COP1: variants seen among roughly 807,000 people sequenced by gnomAD.
The protein encoded by COP1 is E3 ubiquitin-protein ligase COP1.
Under a neutral mutation model 101.3 loss-of-function variants are expected in COP1, and 24 were observed. That is an observed-to-expected ratio of 0.24 (90% confidence interval 0.17 to 0.33). The LOEUF (loss-of-function observed/expected upper bound fraction) is 0.33. COP1 is among the 10% of genes least tolerant of loss of function. The pLI is 1.00. For missense variants in COP1, 663 were observed against 906.2 expected (o/e 0.73, Z 3.45); for synonymous variants, 347 against 341.9 (o/e 1.01, Z -0.17).
chr1:176,136,431 G>A, intron 7 of COP1, 57 bp downstream of exon 7: 2 of 1,185,704 alleles, frequency 1.7e-6, no homozygotes, highest in Non-Finnish European at 2.5e-6. Context: ...ATGGAAAGGT[G>A]ACAATTTCAT....
chr1:176,118,796 G>A (rs1454333883), intron 8 of COP1, among the ~76,000 whole-genome samples: 1 of 151,988 alleles, frequency 6.6e-6, no homozygotes, highest in Non-Finnish European at 1.5e-5. Context: ...AAACAAAATA[G>A]CCAGAAGAAA....
chr1:176,205,849 A>G (rs1386744896), intron 1 of COP1, among the ~76,000 whole-genome samples: 1 of 152,230 alleles, frequency 6.6e-6, no homozygotes. Context: ...TATCCAGTAT[A>G]GTACAGTTAC....
At chr1:176,024,817 A>G (rs537110167) in intron 15 of COP1, among the ~76,000 whole-genome samples, 3 of 152,324 alleles carry the variant, frequency 2.0e-5, no homozygotes, top group Admixed American at 6.5e-5. Context: ...ATAAAATTTA[A>G]AAGCAATTCC....
intron 11 of COP1, among the ~76,000 whole-genome samples, chr1:176,071,631 G>A (rs1175843948): frequency 6.6e-6 from 1 of 152,164 alleles, no homozygotes; most frequent in East Asian, 1.9e-4. Context: ...CTAGAATTTG[G>A]TTTTAAAAAG....
chr1:176,044,131 C>G (rs1161412493), intron 12 of COP1, among the ~76,000 whole-genome samples: 3 of 152,198 alleles, frequency 2.0e-5, no homozygotes, highest in African/African-American at 7.2e-5. Context: ...GAAGGTGATA[C>G]TATCCAGAGG....
At chr1:176,195,784 A>C (rs145766286) in intron 1 of COP1, among the ~76,000 whole-genome samples, 1 of 152,332 alleles carries the variant, frequency 6.6e-6, no homozygotes, top group East Asian at 1.9e-4. Flanking sequence ...TAACACAAAA[A>C]CAGAAAACCA....
At chr1:176,083,719 A>T (rs1355357354) in intron 10 of COP1, among the ~76,000 whole-genome samples, 1 of 152,206 alleles carries the variant, frequency 6.6e-6, no homozygotes, top group East Asian at 1.9e-4. Context: ...ATACAGATGG[A>T]TTTACAGATT....
Position 176,162,881 on chromosome 1 carries a change from TTTC to T in COP1, c.747_749del (p.Lys250del). Reference sequence around the variant, plus strand: ...AGCTACCACTTACTGCTTCCAGTTGTTTCTTCTTCTGCACTAGTAACTCCAACA... The same window carrying T: ...AGCTACCACTTACTGCTTCCAGTTGTTTCTTCTGCACTAGTAACTCCAACA... On this transcript the variant is annotated inframe_deletion, in exon 5 of 20. Transcript: ENST00000367669. 6.3e-7 allele frequency: 1 copy of T among 1,598,792 alleles called. No homozygotes were observed. Among genetic ancestry groups the T allele is most frequent in the Non-Finnish European group, 8.5e-7 (1 of 1,173,444 alleles).
At chr1:176,139,538 TCACAG>T (rs2149763235) in intron 6 of COP1, among the ~76,000 whole-genome samples, 1 of 152,252 alleles carries the variant, frequency 6.6e-6, no homozygotes, top group African/African-American at 2.4e-5. Context: ...GCTCTATTCA[TCACAG>T]CAAAGATTCA....
At chr1:176,048,201 T>TA (rs1671851368) in intron 11 of COP1, among the ~76,000 whole-genome samples, 1 of 147,396 alleles carries the variant, frequency 6.8e-6, no homozygotes, top group Non-Finnish European at 1.5e-5. Context: ...AATTCTTTTT[T>TA]TTTTTTTTTT....
intron 18 of COP1, among the ~76,000 whole-genome samples, chr1:175,956,195 T>C (rs1387432486): frequency 1.3e-5 from 2 of 151,662 alleles, no homozygotes; most frequent in African/African-American, 2.4e-5. Flanking sequence ...AACAGATCCA[T>C]CCATAATCAA....
rs1039961736 is a variant in COP1 at position 176,089,247 on chromosome 1, C to T, written c.1027-3357G>A. On this transcript the variant is annotated intron_variant, in intron 9 of 19. Coordinates refer to ENST00000367669, the MANE Select transcript of COP1 (RefSeq NM_022457.7). ...TGCAGGGGCTGCACTGAGCCAAGAT[C>T]GAGCCAGTGCACCCCAGCCTGGGTG... Among the ~76,000 whole-genome samples, 3 of 151,994 alleles carry T rather than the reference C, an allele frequency of 2.0e-5. No homozygotes were observed. The South Asian group carries it at 6.2e-4, about 32-fold the overall frequency.
At chr1:176,133,196 ATG>A (rs1689208137) in intron 8 of COP1, among the ~76,000 whole-genome samples, 1 of 130,512 alleles carries the variant, frequency 7.7e-6, no homozygotes. Context: ...ACGTACGTAT[ATG>A]TACGTATGTA....
chr1:176,062,782 T>C, intron 11 of COP1, among the ~76,000 whole-genome samples: 1 of 111,116 alleles, frequency 9.0e-6, no homozygotes, highest in East Asian at 2.8e-4. Context: ...ATGAATAAAC[T>C]GTAGAATATT....
rs1685896087 is a variant in COP1 at position 176,114,745 on chromosome 1, AC to A, written c.1026+1878del. On this transcript the variant is annotated intron_variant, in intron 9 of 19. Transcript: ENST00000367669. ...TGAAACCACAAGCACATGCCACCAT[AC>A]CCAACTAATTTTTTTGTTTTTTGTA... 2.6e-5 allele frequency among the ~76,000 whole-genome samples: 4 copies of A among 151,868 alleles called. No individual in the cohort carries two copies. In the South Asian group the frequency reaches 8.3e-4, roughly 32 times the overall value.
chr1:176,046,374 T>G, intron 11 of COP1, 50 bp from the exon 12 acceptor site: 1 of 1,562,696 alleles, frequency 6.4e-7, no homozygotes, highest in Non-Finnish European at 8.7e-7. Flanking sequence ...TGCTATTTTC[T>G]ATTTCTAAAG....
chr1:176,145,177 T>TA (rs1453053983), intron 6 of COP1, among the ~76,000 whole-genome samples: 1 of 152,032 alleles, frequency 6.6e-6, no homozygotes, highest in African/African-American at 2.4e-5. Flanking sequence ...ACAAAAAATG[T>TA]AAAAAGTTTT....
chr1:176,057,004 C>T (rs1441640099), intron 11 of COP1, among the ~76,000 whole-genome samples: 4 of 152,172 alleles, frequency 2.6e-5, no homozygotes, highest in Non-Finnish European at 5.9e-5. Context: ...CGTTATACCT[C>T]CAAAAATATT....
chr1:176,146,264 G>A (rs968878022), intron 6 of COP1, among the ~76,000 whole-genome samples: 3 of 152,048 alleles, frequency 2.0e-5, no homozygotes, highest in East Asian at 1.9e-4. Flanking sequence ...TGACCATGAA[G>A]GAAGACTAAC....
Sources: allele counts gnomAD v4.1 joint callset (sites outside exome capture counted in the v4.1 genomes callset), GRCh38; gene constraint gnomAD v4.1.1; transcripts MANE v1.5; gene names NCBI Gene and HGNC (gene_info 2026-07-23, HGNC 2026-07-21).